SLC4A4: variants seen among roughly 807,000 people sequenced by gnomAD.
SLC4A4 encodes solute carrier family 4 member 4.
A neutral mutation model predicts 111.5 loss-of-function variants in SLC4A4; 27 were observed. That is an observed-to-expected ratio of 0.24 (90% CI 0.18 to 0.33). The LOEUF (loss-of-function observed/expected upper bound fraction) is 0.33. SLC4A4 is among the 10% of genes least tolerant of loss of function. SLC4A4 has a pLI of 1.00. For missense variants in SLC4A4, 909 were observed against 1,315.5 expected (o/e 0.69, Z 4.78); for synonymous variants, 443 against 463.4 (o/e 0.96, Z 0.57).
intron 1 of SLC4A4, among the ~76,000 whole-genome samples, chr4:71,201,790 A>G: frequency 6.6e-6 from 1 of 152,224 alleles, no homozygotes; most frequent in East Asian, 1.9e-4. Flanking sequence ...TTTTAGTAAG[A>G]AATGATTTAA....
At position 71,391,561 on chromosome 4, in the gene SLC4A4, T is replaced by C. The variant is rs943137802; in HGVS notation, c.731-6016T>C. Among the ~76,000 whole-genome samples the C allele has an allele frequency of 5.9e-5, 9 of 152,148 alleles. No individual in the cohort carries two copies. The East Asian group carries it at 1.5e-3, about 26-fold the overall frequency. On this transcript the variant is annotated intron_variant, in intron 6 of 25. Transcript: ENST00000264485. ...GTAATTAATTTTTATAGCAACAGTATGTACCTGCCAAGTGGGTACTTTGAA... is the reference window on the plus strand; with the variant it reads ...GTAATTAATTTTTATAGCAACAGTACGTACCTGCCAAGTGGGTACTTTGAA...
intron 7 of SLC4A4, among the ~76,000 whole-genome samples, chr4:71,419,022 C>T (rs180891647): frequency 1.1e-4 from 17 of 152,252 alleles, no homozygotes; most frequent in Admixed American, 3.9e-4. Context: ...TCATGAACCG[C>T]GAATGCAGCT....
At chr4:71,092,040 C>T (rs1171690854) in intron 1 of SLC4A4, among the ~76,000 whole-genome samples, 1 of 152,162 alleles carries the variant, frequency 6.6e-6, no homozygotes, top group African/African-American at 2.4e-5. Flanking sequence ...TTTGTGGTAT[C>T]AAGTACCAGA....
chr4:71,362,056 A>G (rs1191909991), intron 6 of SLC4A4, among the ~76,000 whole-genome samples: 3 of 152,296 alleles, frequency 2.0e-5, no homozygotes, highest in Non-Finnish European at 2.9e-5. Flanking sequence ...GACCAAAACC[A>G]ATGAGGAGCC....
chr4:71,329,620 T>C (rs1019174121), intron 3 of SLC4A4, among the ~76,000 whole-genome samples: 1 of 152,156 alleles, frequency 6.6e-6, no homozygotes, highest in Admixed American at 6.5e-5. Flanking sequence ...TTTCAGATTG[T>C]TCACTGCTGG....
intron 3 of SLC4A4, among the ~76,000 whole-genome samples, chr4:71,278,108 C>G (rs1165076279): frequency 6.6e-6 from 1 of 152,140 alleles, no homozygotes; most frequent in African/African-American, 2.4e-5. Flanking sequence ...CTCCCAACCT[C>G]CCAGCCCCTG....
At chr4:71,355,119 A>G (rs1255609613) in intron 5 of SLC4A4, among the ~76,000 whole-genome samples, 1 of 152,212 alleles carries the variant, frequency 6.6e-6, no homozygotes, top group Non-Finnish European at 1.5e-5. Flanking sequence ...CTAACTGGTG[A>G]TTTCCAGGCA....
At chr4:71,292,652 T>C (rs1724442611) in intron 3 of SLC4A4, among the ~76,000 whole-genome samples, 1 of 152,106 alleles carries the variant, frequency 6.6e-6, no homozygotes, top group Admixed American at 6.5e-5. Context: ...GACTATGATA[T>C]TCACAACATT....
chr4:71,374,811 T>G (rs796280452), intron 6 of SLC4A4, among the ~76,000 whole-genome samples: 23 of 152,224 alleles, frequency 1.5e-4, no homozygotes, highest in African/African-American at 4.8e-4. Flanking sequence ...AATAAGATTT[T>G]GGGATTTGTG....
At chr4:71,559,960 A>G (rs2149252410) in intron 22 of SLC4A4, 133 bp from the exon 23 acceptor site, 2 of 717,748 alleles carry the variant, frequency 2.8e-6, no homozygotes, top group East Asian at 5.1e-5. Context: ...CATACCGTCA[A>G]GATCAGGTCT....
chr4:71,464,253 AG>A (rs1217561864), intron 12 of SLC4A4, among the ~76,000 whole-genome samples: 2 of 152,198 alleles, frequency 1.3e-5, no homozygotes, highest in Non-Finnish European at 2.9e-5. Flanking sequence ...AAAGACCCAA[AG>A]ACTTGTTGTG....
intron 2 of SLC4A4, among the ~76,000 whole-genome samples, chr4:71,151,317 T>C (rs1204679251): frequency 6.6e-6 from 1 of 152,158 alleles, no homozygotes; most frequent in African/African-American, 2.4e-5. Context: ...ATAGACTATA[T>C]CAACGGTAGG....
intron 20 of SLC4A4, among the ~76,000 whole-genome samples, chr4:71,550,913 C>T (rs750984848): frequency 4.0e-5 from 6 of 151,874 alleles, no homozygotes; most frequent in South Asian, 4.1e-4. Flanking sequence ...TTTAAGTTCA[C>T]GAGGATACCC....
At chr4:71,112,933 T>C (rs949211209) in intron 2 of SLC4A4, among the ~76,000 whole-genome samples, 3 of 152,154 alleles carry the variant, frequency 2.0e-5, no homozygotes, top group Non-Finnish European at 2.9e-5. Flanking sequence ...AAGGGGGAAA[T>C]TGAAGAAGGT....
At chr4:71,283,527 T>G (rs1435733138) in intron 3 of SLC4A4, among the ~76,000 whole-genome samples, 1 of 152,180 alleles carries the variant, frequency 6.6e-6, no homozygotes, top group East Asian at 1.9e-4. Flanking sequence ...CTCTAATATG[T>G]GCCAGGTCCA....
intron 3 of SLC4A4, among the ~76,000 whole-genome samples, chr4:71,296,614 G>C (rs183692328): frequency 4.6e-5 from 7 of 152,194 alleles, no homozygotes; most frequent in Admixed American, 3.3e-4. Context: ...TTGGAGAGAT[G>C]GAAATATGAT....
At chr4:71,103,209 A>C (rs1212350585) in intron 2 of SLC4A4, among the ~76,000 whole-genome samples, 1 of 149,982 alleles carries the variant, frequency 6.7e-6, no homozygotes, top group African/African-American at 2.4e-5. Context: ...TCAATTCAAC[A>C]AGAAGAGCTA....
chr4:71,278,993 AT>A (rs1250393730), intron 3 of SLC4A4, among the ~76,000 whole-genome samples: 4 of 152,176 alleles, frequency 2.6e-5, no homozygotes, highest in Non-Finnish European at 4.4e-5. Context: ...ACAGTGTGAT[AT>A]TTTGATTAAT....
intron 3 of SLC4A4, among the ~76,000 whole-genome samples, chr4:71,319,104 A>G (rs1181616591): frequency 2.0e-5 from 3 of 152,016 alleles, no homozygotes; most frequent in Non-Finnish European, 4.4e-5. Flanking sequence ...GAAAACTTAA[A>G]TGGATATCAA....
Sources: gnomAD v4.1 joint callset for allele counts (sites outside exome capture counted in the v4.1 genomes callset) on GRCh38, gnomAD v4.1.1 for gene constraint, MANE v1.5 for transcripts, NCBI Gene and HGNC (gene_info 2026-07-23, HGNC 2026-07-21) for gene names.